Variants in CLN8 observed in about 807,000 individuals in gnomAD.
CLN8 encodes protein CLN8.
Under a neutral mutation model 15.7 loss-of-function variants are expected in CLN8, and 14 were observed. The observed-to-expected ratio is 0.89, with a 90% CI of 0.59 to 1.39. CLN8 has a LOEUF of 1.39. Ranked by LOEUF, CLN8 falls within the 40% of genes most tolerant of loss-of-function variation. CLN8 has a pLI of 0.00. For missense variants in CLN8, 415 were observed against 364.0 expected, an observed-to-expected ratio of 1.14 and a Z score of -1.14; for synonymous variants, 188 against 151.0, an observed-to-expected ratio of 1.25 and a Z score of -1.80.
intron 2 of CLN8, among the ~76,000 whole-genome samples, chr8:1,776,444 A>G (rs560805967): frequency 4.0e-5 from 6 of 150,000 alleles, no homozygotes; most frequent in South Asian, 2.1e-4. Flanking sequence ...CCCTGCTCCA[A>G]TATACACACA....
upstream of CLN8, among the ~76,000 whole-genome samples, chr8:1,754,055 C>G (rs924299154): frequency 1.3e-5 from 2 of 152,164 alleles, no homozygotes; most frequent in African/African-American, 2.4e-5. Flanking sequence ...GCACAAATAA[C>G]TCAGTCTTCC....
intron 1 of CLN8, among the ~76,000 whole-genome samples, chr8:1,756,618 G>A (rs1009682534): frequency 1.3e-5 from 1 of 76,378 alleles, no homozygotes; most frequent in Non-Finnish European, 3.0e-5. Flanking sequence ...TCCTAAAATA[G>A]TAACAGGATG....
chr8:1,769,037 G>C (rs1034967635), intron 1 of CLN8, among the ~76,000 whole-genome samples: 1 of 152,170 alleles, frequency 6.6e-6, no homozygotes, highest in African/African-American at 2.4e-5. Flanking sequence ...AGCATGACAC[G>C]GGAGCCGTTT....
chr8:1,783,698 G>A lies in CLN8; in HGVS notation c.*3131G>A, dbSNP rs1004575146. The A allele has an allele frequency of 6.6e-6, 1 of 152,206 alleles. No homozygotes were observed. The highest frequency in any genetic ancestry group is 1.5e-5 in the Non-Finnish European group (1 of 68,082). The allele number at this position is 152,206 out of a possible 1,614,324, so 9.4% of individuals were successfully genotyped here. A position where few individuals can be genotyped will look rare whatever the true frequency, so the allele number is the denominator to read the frequency against. ...CTGGAGTTGTCATGGCCGCAGTTCA[G>A]TGTGAGATTTTTTACCAGGTATTGC... On this transcript the variant is annotated 3_prime_UTR_variant, in exon 3 of 3. Transcript: ENST00000331222.
upstream of CLN8, chr8:1,759,075 T>G (rs1051896022): frequency 6.6e-6 from 1 of 152,222 alleles, no homozygotes; most frequent in South Asian, 2.1e-4. Context: ...CAGGTTGGAA[T>G]GTAGTATCTT....
intron 1 of CLN8, among the ~76,000 whole-genome samples, chr8:1,769,314 G>A (rs576447149): frequency 5.3e-5 from 8 of 152,266 alleles, no homozygotes; most frequent in African/African-American, 1.7e-4. Flanking sequence ...TGGTCACAGC[G>A]ACCTTTTTGC....
At chr8:1,771,947 A>ATTTATTTT (rs761689154) in intron 2 of CLN8, among the ~76,000 whole-genome samples, 2,002 of 151,028 alleles carry the variant, frequency 0.013, 16 homozygotes, top group Non-Finnish European at 0.02. Context: ...TTATTTATTT[A>ATTTATTTT]TTTTTTGAGA....
upstream of CLN8, chr8:1,762,735 T>C (rs1800830503): frequency 6.6e-6 from 1 of 152,194 alleles, no homozygotes; most frequent in African/African-American, 2.4e-5. Flanking sequence ...GTTATCTTCA[T>C]AGTACAGGAA....
chr8:1,779,871 T>G (rs1324216226), intron 2 of CLN8: 1 of 828,526 alleles, frequency 1.2e-6, no homozygotes, highest in Non-Finnish European at 1.5e-6. Flanking sequence ...TTGATATACC[T>G]GTGTCTGGTT....
chr8:1,755,376 C>T (rs368837749), upstream of CLN8, among the ~76,000 whole-genome samples: 79 of 152,296 alleles, frequency 5.2e-4, no homozygotes, highest in African/African-American at 1.8e-3. Context: ...CTCTTCCCAT[C>T]CTGTTTTCTC....
upstream of CLN8, among the ~76,000 whole-genome samples, chr8:1,761,660 T>C (rs553904378): frequency 1.1e-4 from 17 of 152,168 alleles, no homozygotes; most frequent in East Asian, 1.9e-3. Flanking sequence ...ATTTGGTAGG[T>C]AGGGGGCCAG....
Position 1,771,439 on chromosome 8 carries a change from C to T in CLN8, c.385C>T (p.Arg129Trp), listed in dbSNP as rs143694317. Reference sequence around the variant, plus strand: ...AGTCCACCTGTCCAACTTGATCTTCCGGACATTTGACTTGTTTCTGGTTAT... The same window carrying T: ...AGTCCACCTGTCCAACTTGATCTTCTGGACATTTGACTTGTTTCTGGTTAT... The part of the protein sequence containing the change: ...VAVHLSNLIF[R>W]TFDLFLVIHH... The change falls in exon 2 of 3, where the codon CGG (arginine) becomes TGG (tryptophan). Residue 129 changes from arginine to tryptophan, a missense_variant. Physicochemically the swap from Arg to Trp is moderately radical, Grantham distance 101. Coordinates refer to ENST00000331222, the MANE Select transcript of CLN8 (RefSeq NM_018941.4). 160 of 1,614,206 alleles carry T rather than the reference C, an allele frequency of 9.9e-5. 2 individuals carry two copies. The highest frequency in any genetic ancestry group is 1.4e-4 in the South Asian group (13 of 91,086).
chr8:1,783,940 A>T lies in CLN8; in HGVS notation c.*3373A>T, dbSNP rs570690904. On this transcript the variant is annotated 3_prime_UTR_variant, in exon 3 of 3. Transcript: ENST00000331222. ...CATTTAGCGCAGAAAGTCGTGGTTCAGGCAGTATGGGCCGCTGTGACAAAA... is the reference window on the plus strand; with the variant it reads ...CATTTAGCGCAGAAAGTCGTGGTTCTGGCAGTATGGGCCGCTGTGACAAAA... 6.6e-6 allele frequency: 1 copy of T among 152,276 alleles called. No homozygotes were observed. The highest frequency in any genetic ancestry group is 2.4e-5 in the African/African-American group (1 of 41,456). 9.4% of individuals were successfully genotyped at this position (152,276 alleles called of 1,614,324 possible). A position where few individuals can be genotyped will look rare whatever the true frequency, so the allele number is the denominator to read the frequency against.
intron 2 of CLN8, among the ~76,000 whole-genome samples, chr8:1,774,748 T>C (rs2129013251): frequency 6.6e-6 from 1 of 152,296 alleles, no homozygotes; most frequent in African/African-American, 2.4e-5. Context: ...ATCCCAGCAC[T>C]TTGGGAGGCC....
chr8:1,758,928 C>G (rs1800730444), upstream of CLN8: 1 of 152,182 alleles, frequency 6.6e-6, no homozygotes, highest in South Asian at 2.1e-4. Context: ...GAAGGGGATT[C>G]TGGCAGGATG....
At chr8:1,762,955 C>A (rs2293977), upstream of CLN8, 3 of 152,136 alleles carry the variant, frequency 2.0e-5, no homozygotes, top group African/African-American at 7.2e-5. Context: ...ACACATTAGA[C>A]AGAAGAAACA....
chr8:1,776,936 C>T (rs188245290), intron 2 of CLN8, among the ~76,000 whole-genome samples: 50 of 152,324 alleles, frequency 3.3e-4, no homozygotes, highest in African/African-American at 7.9e-4. Context: ...TACACAGACA[C>T]GGTGAGAGAC....
intron 1 of CLN8, among the ~76,000 whole-genome samples, chr8:1,768,711 T>A (rs980771861): frequency 1.9e-4 from 29 of 152,274 alleles, no homozygotes; most frequent in African/African-American, 6.7e-4. Context: ...GTAAGCGGTC[T>A]CCCCTCCAGG....
chr8:1,785,213 C>G lies in CLN8; in HGVS notation c.*4646C>G, dbSNP rs1801800208. ...CTTGCGGCTCGGCCGCGAAGTGTGT[C>G]AGGTGTGCATCCTGGGTGCTCCTTT... On this transcript the variant is annotated 3_prime_UTR_variant, in exon 3 of 3. Coordinates refer to ENST00000331222, the MANE Select transcript of CLN8 (RefSeq NM_018941.4). The G allele has an allele frequency of 5.9e-6, 1 of 170,666 alleles. No individual in the cohort carries two copies. Among genetic ancestry groups the G allele is most frequent in the Non-Finnish European group, 1.3e-5 (1 of 77,728 alleles). The allele number at this position is 170,666 out of a possible 1,614,324, so 10.6% of individuals were successfully genotyped here.
Sources: allele counts gnomAD v4.1 joint callset (sites outside exome capture counted in the v4.1 genomes callset), GRCh38; gene constraint gnomAD v4.1.1; transcripts MANE v1.5; gene names NCBI Gene and HGNC (gene_info 2026-07-23, HGNC 2026-07-21).